EPAS1: variants seen among roughly 807,000 people sequenced by gnomAD.
EPAS1 encodes the protein endothelial PAS domain protein 1, also known as endothelial PAS domain-containing protein 1.
A neutral mutation model predicts 87.9 loss-of-function variants in EPAS1; 23 were observed. The ratio of observed to expected loss-of-function variants is 0.26; its 90% CI spans 0.19 to 0.37. The LOEUF (loss-of-function observed/expected upper bound fraction) is 0.37. Among genes scored for constraint, EPAS1 ranks in the 10% least tolerant of loss-of-function variants. The probability of loss-of-function intolerance (pLI) is 1.00; values close to 1 mark genes in which losing one functional copy is unlikely to be tolerated. For synonymous variants in EPAS1, 508 were observed against 444.3 expected (o/e 1.14, Z -1.80); for missense variants, 1,138 against 1,120.7 (o/e 1.02, Z -0.22).
intron 6 of EPAS1, among the ~76,000 whole-genome samples, chr2:46,369,455 T>C (rs543972541): frequency 6.6e-6 from 1 of 152,320 alleles, no homozygotes; most frequent in Admixed American, 6.5e-5. Context: ...ATCGAGCAAA[T>C]TGTCTGCCCG....
chr2:46,324,646 A>G (rs1683518160), intron 1 of EPAS1, among the ~76,000 whole-genome samples: 1 of 152,220 alleles, frequency 6.6e-6, no homozygotes. Flanking sequence ...CCTGGCCAGG[A>G]TGAAAACGCT....
Position 46,381,713 on chromosome 2 carries a change from C to T in EPAS1, c.2163C>T (p.Asp721=), listed in dbSNP as rs1684897063. Residue 721 remains aspartate (D), a synonymous_variant, in exon 13 of 16, where the codon GAC becomes GAT. Coordinates refer to ENST00000263734, the MANE Select transcript of EPAS1 (RefSeq NM_001430.5). ...AGTATGAAGAGCAAGCCTTCCAGGACCTGAGCGGGGTGAGTCATCCCCACT... is the reference window on the plus strand; with the variant it reads ...AGTATGAAGAGCAAGCCTTCCAGGATCTGAGCGGGGTGAGTCATCCCCACT... The part of the protein sequence containing the change: ...QLEYEEQAFQ[D]LSGGDPPGGS... 1.2e-6 allele frequency: 2 copies of T among 1,613,862 alleles called. No individual in the cohort carries two copies. The highest frequency in any genetic ancestry group is 8.5e-7 in the Non-Finnish European group (1 of 1,180,024).
chr2:46,342,035 A>T (rs954939165), intron 1 of EPAS1, among the ~76,000 whole-genome samples: 1 of 152,092 alleles, frequency 6.6e-6, no homozygotes, highest in Admixed American at 6.6e-5. Context: ...GCTGCTTTGG[A>T]ACCGTGGTCC....
At position 46,385,633 on chromosome 2, in the gene EPAS1, T is replaced by C. The variant is rs1297586471; in HGVS notation, c.*973T>C. On this transcript the variant is annotated 3_prime_UTR_variant, in exon 16 of 16. Transcript: ENST00000263734. ...GCCATAGGTGTGACAATCCGAGCAG[T>C]GGAGTCATTCAGCGGGAGCACTGCG... The C allele has an allele frequency of 6.6e-6, 1 of 151,658 alleles. No homozygotes were observed. The highest frequency in any genetic ancestry group is 6.6e-5 in the Admixed American group (1 of 15,168). 9.4% of individuals were successfully genotyped at this position (151,658 alleles called of 1,614,324 possible). A position where few individuals can be genotyped will look rare whatever the true frequency, so the allele number is the denominator to read the frequency against.
At chr2:46,312,908 G>C (rs574829074) in intron 1 of EPAS1, among the ~76,000 whole-genome samples, 1 of 151,968 alleles carries the variant, frequency 6.6e-6, no homozygotes, top group Non-Finnish European at 1.5e-5. Flanking sequence ...TGATTCTGTC[G>C]AGAATGGGAA....
intron 1 of EPAS1, among the ~76,000 whole-genome samples, chr2:46,341,350 C>T (rs1475306091): frequency 1.3e-5 from 2 of 152,154 alleles, no homozygotes; most frequent in East Asian, 3.8e-4. Flanking sequence ...GAGGTGTGTC[C>T]TTTGAAGAGT....
intron 1 of EPAS1, among the ~76,000 whole-genome samples, chr2:46,344,696 C>T (rs1683985454): frequency 6.6e-6 from 1 of 151,970 alleles, no homozygotes; most frequent in East Asian, 1.9e-4. Context: ...GGGTAGGTGT[C>T]CTGAAGGTTG....
At chr2:46,381,005 T>C (rs1372710981) in intron 12 of EPAS1, among the ~76,000 whole-genome samples, 1 of 152,166 alleles carries the variant, frequency 6.6e-6, no homozygotes, top group African/African-American at 2.4e-5. Context: ...CTTTCGTATC[T>C]CGGTTCATCA....
chr2:46,365,191 T>C (rs1172295347), intron 6 of EPAS1, among the ~76,000 whole-genome samples: 4 of 152,210 alleles, frequency 2.6e-5, no homozygotes, highest in African/African-American at 7.2e-5. Flanking sequence ...TCCTGTATCT[T>C]AGAAATAAAT....
chr2:46,306,104 A>G (rs1235780498), intron 1 of EPAS1, among the ~76,000 whole-genome samples: 1 of 152,260 alleles, frequency 6.6e-6, no homozygotes, highest in Non-Finnish European at 1.5e-5. Flanking sequence ...GTTGTTTAAA[A>G]TACATCCATT....
rs1003629330 is a variant in EPAS1 at position 46,300,119 on chromosome 2, C to G, written c.26+2182C>G. 2.0e-5 allele frequency among the ~76,000 whole-genome samples: 3 copies of G among 152,214 alleles called. No individual in the cohort carries two copies. Among genetic ancestry groups the G allele is most frequent in the Non-Finnish European group, 4.4e-5 (3 of 68,036 alleles). On this transcript the variant is annotated intron_variant, in intron 1 of 15. Transcript: ENST00000263734. The surrounding 1 kb of genome is among the most constrained non-coding windows in gnomAD (Gnocchi z 4.1). ...GGCTAATCAGTTTGAGACTCATTTA[C>G]TTTTCGTGCCTGGGTCTGTTTGCTG...
In EPAS1 at chr2:46,378,795, G is replaced by A. The variant is rs181340593; in HGVS notation, c.1554+28G>A. 17 of 1,565,504 alleles carry A rather than the reference G, an allele frequency of 1.1e-5. No individual in the cohort carries two copies. In the Admixed American group the frequency reaches 1.2e-4, roughly 11 times the overall value. ...AGATGGCTGTGGAGATCAGGCTAGG[G>A]TGTGTGCCTGCTGTCTGGTGGACAG... On this transcript the variant is annotated intron_variant, in intron 11 of 15. Transcript: ENST00000263734.
At chr2:46,301,794 C>T (rs1572610396) in intron 1 of EPAS1, among the ~76,000 whole-genome samples, 1 of 140,758 alleles carries the variant, frequency 7.1e-6, no homozygotes, top group South Asian at 2.2e-4. Flanking sequence ...CTTTAGGCTG[C>T]AGTAGAAGTG....
intron 7 of EPAS1, among the ~76,000 whole-genome samples, chr2:46,372,227 A>G (rs550034806): frequency 6.6e-6 from 1 of 152,350 alleles, no homozygotes; most frequent in African/African-American, 2.4e-5. Flanking sequence ...ACAAACCCAT[A>G]GCTAGCCAAG....
intron 1 of EPAS1, among the ~76,000 whole-genome samples, chr2:46,303,401 G>T (rs1280160011): frequency 1.3e-5 from 2 of 152,298 alleles, no homozygotes; most frequent in South Asian, 2.1e-4. Flanking sequence ...TCCCTATGGT[G>T]TATCCCTTAT....
At chr2:46,378,162 A>G in intron 10 of EPAS1, 75 bp downstream of exon 10, 17 of 1,534,430 alleles carry the variant, frequency 1.1e-5, no homozygotes, top group Non-Finnish European at 1.5e-5. Context: ...CTGAAGGGAC[A>G]TTTGGGACAG....
chr2:46,342,098 A>G (rs1683924736), intron 1 of EPAS1, among the ~76,000 whole-genome samples: 1 of 152,122 alleles, frequency 6.6e-6, no homozygotes, highest in Admixed American at 6.5e-5. Context: ...CCCAGCCTGC[A>G]CCTGAGACCT....
Position 46,384,640 on chromosome 2 carries a change from G to T in EPAS1, c.2593G>T (p.Ala865Ser), listed in dbSNP as rs1260590441. 3 of 1,613,918 alleles carry T rather than the reference G, an allele frequency of 1.9e-6. No homozygotes were observed. Among genetic ancestry groups the T allele is most frequent in the East Asian group, 2.2e-5 (1 of 44,882 alleles). Residue 865 changes from alanine (A) to serine (S), a missense_variant, in exon 16 of 16, where the codon GCC becomes TCC. This residue lies in a region of EPAS1 where 502 missense variants were observed against 427.1 expected (regional missense o/e 1.18). Coordinates refer to ENST00000263734, the MANE Select transcript of EPAS1 (RefSeq NM_001430.5). ...TLLQGGDLLR[A>S]LDQAT ...CCTGCAAGGAGGGGACCTCCTCAGA[G>T]CCCTGGACCAGGCCACCTGAGCCAG...
intron 4 of EPAS1, among the ~76,000 whole-genome samples, chr2:46,357,184 G>A (rs192485241): frequency 6.6e-6 from 1 of 152,334 alleles, no homozygotes; most frequent in Non-Finnish European, 1.5e-5. Flanking sequence ...ATCTATTGCT[G>A]TCTAACAAAC....
Sources: allele counts gnomAD v4.1 joint callset (sites outside exome capture counted in the v4.1 genomes callset), GRCh38; gene constraint gnomAD v4.1.1; regional missense constraint gnomAD v4.1.1; non-coding constraint Gnocchi (gnomAD v3.1); transcripts MANE v1.5; gene names NCBI Gene and HGNC (gene_info 2026-07-23, HGNC 2026-07-21).